The following KATNB1 variants were observed in gnomAD, a reference collection of about 807,000 sequenced individuals.
KATNB1 encodes katanin regulatory subunit B1, also known as katanin p80 WD40 repeat-containing subunit B1.
Under a neutral mutation model 82.3 loss-of-function variants are expected in KATNB1, and 38 were observed. That is an observed-to-expected ratio of 0.46 (90% confidence interval 0.36 to 0.61). The LOEUF (loss-of-function observed/expected upper bound fraction) is 0.61, where lower values mean the gene tolerates loss of function less well. Among genes scored for constraint, KATNB1 ranks in the 20% least tolerant of loss-of-function variants. KATNB1 has a pLI of 0.00. For missense variants in KATNB1, 749 were observed against 915.7 expected (o/e 0.82, Z 2.35); for synonymous variants, 361 against 368.7 (o/e 0.98, Z 0.24).
At chr16:57,742,110 C>T (rs1238489090) in intron 3 of KATNB1, among the ~76,000 whole-genome samples, 8 of 152,212 alleles carry the variant, frequency 5.3e-5, no homozygotes, top group African/African-American at 1.4e-4. Context: ...AGGCAGGCTG[C>T]GTGAGAAGAT....
At chr16:57,743,030 C>T (rs183153526) in intron 3 of KATNB1, among the ~76,000 whole-genome samples, 6 of 152,296 alleles carry the variant, frequency 3.9e-5, no homozygotes, top group Admixed American at 2.0e-4. Flanking sequence ...CAGTGGCTCA[C>T]GCCTGTAATC....
chr16:57,754,899 G>A lies in KATNB1; in HGVS notation c.1229-31G>A, dbSNP rs72795532. On this transcript the variant is annotated intron_variant, in intron 13 of 19. Coordinates refer to ENST00000379661, the MANE Select transcript of KATNB1 (RefSeq NM_005886.3). ...CCCTTCTTGCCAGGCCCTTCTGGCC[G>A]GACCCAGTCATCTTTTCCTTTTGCC... is the stretch of plus-strand genomic sequence containing the variant. 4.5e-3 allele frequency: 7,238 copies of A among 1,612,862 alleles called. 33 individuals carry two copies. Among genetic ancestry groups the A allele is most frequent in the Non-Finnish European group, 5.9e-3 (6,941 of 1,179,250 alleles).
chr16:57,752,001 A>G lies in KATNB1; in HGVS notation c.578A>G (p.Asn193Ser), dbSNP rs1417066128. ...SEFPGHTGPV[N>S]VVEFHPNEYL... ...TTCCCTGGTCACACGGGGCCTGTCA[A>G]CGTGGTCGAGTTTCACCCCAACGAG... Residue 193 changes from asparagine to serine, a missense_variant, in exon 8 of 20, where the codon AAC becomes AGC. Coordinates refer to ENST00000379661, the MANE Select transcript of KATNB1 (RefSeq NM_005886.3). 26 of 1,613,420 alleles carry G rather than the reference A, an allele frequency of 1.6e-5. No individual in the cohort carries two copies. The highest frequency in any genetic ancestry group is 2.2e-5 in the East Asian group (1 of 44,882).
intron 2 of KATNB1, among the ~76,000 whole-genome samples, chr16:57,740,881 C>T (rs1349088212): frequency 4.6e-5 from 7 of 152,208 alleles, no homozygotes; most frequent in Non-Finnish European, 7.3e-5. Context: ...TGCCCACTCT[C>T]TCATGGTGAC....
At chr16:57,738,030 C>G (rs2049114020) in intron 2 of KATNB1, among the ~76,000 whole-genome samples, 3 of 152,180 alleles carry the variant, frequency 2.0e-5, no homozygotes, top group African/African-American at 7.2e-5. Flanking sequence ...CAGATGCCAT[C>G]TTAGTGTTAT....
chr16:57,755,701 C>T (rs1291719289), intron 16 of KATNB1, 140 bp from the exon 17 acceptor site: 1 of 981,810 alleles, frequency 1.0e-6, no homozygotes, highest in East Asian at 2.6e-5. Context: ...CCTGGCCTTA[C>T]ACTCATTGCG....
At chr16:57,748,471 A>T (rs115288037) in intron 4 of KATNB1, among the ~76,000 whole-genome samples, 75,201 of 140,934 alleles carry the variant, frequency 0.53, 21,519 homozygotes, top group Middle Eastern at 0.68. Context: ...ATTTTTTTAA[A>T]AAAAAAAAAA....
intron 2 of KATNB1, 77 bp downstream of exon 2, chr16:57,737,360 C>A: frequency 6.5e-7 from 1 of 1,532,116 alleles, no homozygotes; most frequent in Non-Finnish European, 9.0e-7. Context: ...GAACCCACAG[C>A]TTTGTTTCCT....
Position 57,741,720 on chromosome 16 carries a change from C to T in KATNB1, c.74C>T (p.Ser25Leu). 1 of 1,614,124 alleles carries T rather than the reference C, an allele frequency of 6.2e-7. No homozygotes were observed. Among genetic ancestry groups the T allele is most frequent in the Non-Finnish European group, 8.5e-7 (1 of 1,180,026 alleles). ...EIVAHASNVSSLVLGKASGRL... is the reference protein window; with the variant it reads ...EIVAHASNVSLLVLGKASGRL... Reference sequence around the variant, plus strand: ...GTCGCGCATGCCAGCAACGTGTCCTCACTGGTGCTGGGCAAAGCCTCCGGG... The same window carrying T: ...GTCGCGCATGCCAGCAACGTGTCCTTACTGGTGCTGGGCAAAGCCTCCGGG... Residue 25 changes from serine (S) to leucine (L), a missense_variant, in exon 3 of 20, where the codon TCA (serine) becomes TTA (leucine). Around this residue, in one of 3 missense-constraint regions of KATNB1, gnomAD observed 247 missense variants for 349.4 expected, o/e 0.71. Coordinates refer to ENST00000379661, the MANE Select transcript of KATNB1 (RefSeq NM_005886.3).
At chr16:57,754,032 T>G (rs1424959108) in intron 13 of KATNB1, 37 bp downstream of exon 13, 4 of 1,554,732 alleles carry the variant, frequency 2.6e-6, no homozygotes, top group East Asian at 2.3e-5. Context: ...AGGTCTCTGA[T>G]GCCCCCCCGT....
At chr16:57,736,948 A>G (rs1186978860) in intron 1 of KATNB1, 30 bp from the exon 2 acceptor site, 1 of 654,738 alleles carries the variant, frequency 1.5e-6, no homozygotes, top group Non-Finnish European at 2.8e-6. Context: ...GCATTTTCTA[A>G]CATGACGTCA....
chr16:57,753,571 G>A, intron 12 of KATNB1, 52 bp downstream of exon 12: 1 of 1,600,494 alleles, frequency 6.2e-7, no homozygotes, highest in Non-Finnish European at 8.5e-7. Flanking sequence ...TGAAAGGGAG[G>A]CTGGGGGTCC....
At chr16:57,753,359 C>T in intron 11 of KATNB1, 30 bp from the exon 12 acceptor site, 1 of 1,599,356 alleles carries the variant, frequency 6.3e-7, no homozygotes, top group Non-Finnish European at 8.5e-7. Context: ...AGGGCACCTG[C>T]TTCCGTTGGG....
intron 4 of KATNB1, among the ~76,000 whole-genome samples, chr16:57,748,001 A>C (rs940143096): frequency 6.6e-6 from 1 of 152,184 alleles, no homozygotes; most frequent in African/African-American, 2.4e-5. Flanking sequence ...AACCCGATTC[A>C]GTACTGGGGT....
At chr16:57,748,015 C>A (rs1236532682) in intron 4 of KATNB1, among the ~76,000 whole-genome samples, 1 of 152,144 alleles carries the variant, frequency 6.6e-6, no homozygotes, top group Non-Finnish European at 1.5e-5. Flanking sequence ...CTGGGGTGGG[C>A]CCAGGATCTG....
Position 57,737,268 on chromosome 16 carries a change from A to T in KATNB1, c.25A>T (p.Thr9Ser). The T allele has an allele frequency of 6.2e-7, 1 of 1,614,254 alleles. No homozygotes were observed. Among genetic ancestry groups the T allele is most frequent in the Non-Finnish European group, 8.5e-7 (1 of 1,180,044 alleles). ...GATGGCCACCCCTGTGGTCACCAAG[A>T]CAGCCTGGAAGTTGCGTGAGTGGTT... The part of the protein sequence containing the change: MATPVVTK[T>S]AWKLQEIVAH... The change falls in exon 2 of 20, where the codon ACA becomes TCA. Residue 9 changes from threonine (T) to serine (S), a missense_variant. By Grantham distance (58) the Thr-to-Ser change is moderately conservative. Transcript: ENST00000379661.
chr16:57,748,142 C>A (rs1555581924), intron 4 of KATNB1, among the ~76,000 whole-genome samples: 1 of 152,192 alleles, frequency 6.6e-6, no homozygotes, highest in East Asian at 1.9e-4. Flanking sequence ...GTAGCAGAGC[C>A]TGGGACTTGA....
intron 2 of KATNB1, among the ~76,000 whole-genome samples, chr16:57,739,713 T>C (rs770022553): frequency 2.6e-5 from 4 of 152,088 alleles, no homozygotes; most frequent in Non-Finnish European, 5.9e-5. Context: ...TGATGTGGGC[T>C]CCTCCAGAAG....
At chr16:57,743,424 A>C (rs1403599766) in intron 3 of KATNB1, among the ~76,000 whole-genome samples, 3 of 152,236 alleles carry the variant, frequency 2.0e-5, no homozygotes, top group Non-Finnish European at 2.9e-5. Context: ...AGGGGTCAGT[A>C]ATGATGAATT....
Sources: gnomAD v4.1 joint callset for allele counts (sites outside exome capture counted in the v4.1 genomes callset) on GRCh38, gnomAD v4.1.1 for gene constraint, gnomAD v4.1.1 regional missense constraint, MANE v1.5 for transcripts, NCBI Gene and HGNC (gene_info 2026-07-23, HGNC 2026-07-21) for gene names.